Variants in AHCTF1 observed in about 807,000 individuals in gnomAD.
The protein encoded by AHCTF1 is AT-hook containing transcription factor 1.
Under a neutral mutation model 248.4 loss-of-function variants are expected in AHCTF1, and 24 were observed. The ratio of observed to expected loss-of-function variants is 0.10; its 90% confidence interval spans 0.07 to 0.14. The LOEUF (loss-of-function observed/expected upper bound fraction) is 0.14, where lower values mean the gene tolerates loss of function less well. Ranked by LOEUF, AHCTF1 falls within the 10% of genes least tolerant of loss-of-function variation. AHCTF1 has a pLI of 1.00. For synonymous variants in AHCTF1, 786 were observed against 929.8 expected, an observed-to-expected ratio of 0.85 and a Z score of 2.81; for missense variants, 2,206 against 2,636.2, an observed-to-expected ratio of 0.84 and a Z score of 3.57.
intron 14 of AHCTF1, among the ~76,000 whole-genome samples, chr1:246,892,256 CTTCA>C (rs1396812003): frequency 7.2e-6 from 1 of 139,114 alleles, no homozygotes; most frequent in African/African-American, 2.7e-5. Context: ...AAACAACTGT[CTTCA>C]TTCTAAAATC....
In AHCTF1 at chr1:246,888,416, T is replaced by A; in HGVS notation, c.2246A>T (p.Lys749Ile). Residue 749 changes from lysine (K) to isoleucine (I), a missense_variant, in exon 18 of 36, where the codon AAA (lysine) becomes ATA (isoleucine). Lys to Ile is a moderately radical substitution (Grantham distance 102, BLOSUM62 -3). Around this residue, in one of 6 missense-constraint regions of AHCTF1, gnomAD observed 650 missense variants for 870.8 expected, o/e 0.75. Coordinates refer to ENST00000648844, the MANE Select transcript of AHCTF1 (RefSeq NM_001323342.2). ...TACATGCAGACTAGCAGGAGGATAT[T>A]TTCCTGTGCCTCCTTCATCTCGTTT... ...LWKRDEGGTG[K>I]YPPASLHAVL... 1 of 1,612,812 alleles carries A rather than the reference T, an allele frequency of 6.2e-7. No individual in the cohort carries two copies. The highest frequency in any genetic ancestry group is 8.5e-7 in the Non-Finnish European group (1 of 1,179,994).
intron 1 of AHCTF1, among the ~76,000 whole-genome samples, chr1:246,929,993 A>C (rs942051721): frequency 6.6e-6 from 1 of 152,032 alleles, no homozygotes; most frequent in Non-Finnish European, 1.5e-5. Context: ...CGGAGGTTGC[A>C]GTGAGCCAAG....
chr1:246,863,348 C>G (rs1661714372), intron 27 of AHCTF1, among the ~76,000 whole-genome samples: 1 of 148,322 alleles, frequency 6.7e-6, no homozygotes, highest in South Asian at 2.1e-4. Context: ...GAACATTAGT[C>G]AAGGGGCTAG....
chr1:246,910,213 A>G (rs188329084), intron 4 of AHCTF1, among the ~76,000 whole-genome samples: 2 of 152,364 alleles, frequency 1.3e-5, no homozygotes, highest in East Asian at 3.9e-4. Context: ...ATTCTATCAG[A>G]TAACTTCAGC....
chr1:246,907,633 A>G lies in AHCTF1; in HGVS notation c.682T>C (p.Tyr228His). The change falls in exon 5 of 36, where the codon TAC becomes CAC. Residue 228 changes from tyrosine (Y) to histidine (H), a missense_variant. Coordinates refer to ENST00000648844, the MANE Select transcript of AHCTF1 (RefSeq NM_001323342.2). ...PTGTAVSTLS[Y>H]ISRTNQLAVG... ...GCAAGCTGATTTGTCCTGCTTATGT[A>G]ACTAAGAGTTGAAACAGCTGTTCCT... The G allele has an allele frequency of 6.2e-7, 1 of 1,613,902 alleles. No individual in the cohort carries two copies. The highest frequency in any genetic ancestry group is 8.5e-7 in the Non-Finnish European group (1 of 1,179,836).
chr1:246,897,621 C>T (rs970100984), intron 12 of AHCTF1, among the ~76,000 whole-genome samples: 1 of 152,146 alleles, frequency 6.6e-6, no homozygotes. Flanking sequence ...GTGCTGAATA[C>T]TGTAAGCAAC....
At chr1:246,926,026 C>T (rs1306407199) in intron 1 of AHCTF1, among the ~76,000 whole-genome samples, 2 of 141,158 alleles carry the variant, frequency 1.4e-5, no homozygotes, top group African/African-American at 5.3e-5. Context: ...CTAGCCTAGG[C>T]GACAGTGAGA....
intron 33 of AHCTF1, among the ~76,000 whole-genome samples, chr1:246,845,357 A>AT (rs1331670872): frequency 6.9e-6 from 1 of 144,136 alleles, no homozygotes; most frequent in Non-Finnish European, 1.5e-5. Flanking sequence ...ATATAAGCAT[A>AT]TGATTCTTAA....
intron 22 of AHCTF1, 21 bp from the exon 23 acceptor site, chr1:246,877,102 T>A (rs1288695966): frequency 6.2e-7 from 1 of 1,612,260 alleles, no homozygotes; most frequent in Non-Finnish European, 8.5e-7. Flanking sequence ...CAAAATAGAT[T>A]GTAAACTACC....
At chr1:246,897,313 C>CA (rs999821810) in intron 12 of AHCTF1, among the ~76,000 whole-genome samples, 3 of 151,154 alleles carry the variant, frequency 2.0e-5, no homozygotes, top group Admixed American at 6.6e-5. Flanking sequence ...GATGCTGTCT[C>CA]AAAAAAAATA....
intron 1 of AHCTF1, 59 bp from the exon 2 acceptor site, chr1:246,918,436 T>C (rs1666298898): frequency 7.5e-6 from 11 of 1,460,706 alleles, no homozygotes; most frequent in Non-Finnish European, 9.2e-6. Context: ...ATATACTTGA[T>C]TATGTCCAGC....
At position 246,860,803 on chromosome 1, in the gene AHCTF1, G is replaced by C; in HGVS notation, c.4132+96C>G. 3 of 1,485,332 alleles carry C rather than the reference G, an allele frequency of 2.0e-6. No homozygotes were observed. In the South Asian group the frequency reaches 4.0e-5, roughly 20 times the overall value. The allele number at this position is 1,485,332 out of a possible 1,614,324, so 92.0% of individuals were successfully genotyped here. ...TTAACTAGCATGAGCCACAGTACCT[G>C]GCTAGGATGCTTTTCTTATGGTGGA... On this transcript the variant is annotated intron_variant, in intron 29 of 35. Coordinates refer to ENST00000648844, the MANE Select transcript of AHCTF1 (RefSeq NM_001323342.2).
chr1:246,878,396 C>CCAAAA (rs1491155933), intron 21 of AHCTF1, among the ~76,000 whole-genome samples: 4 of 30,776 alleles, frequency 1.3e-4, no homozygotes, highest in African/African-American at 4.9e-4. Context: ...GATTCTGTCT[C>CCAAAA]AAAAAAAAAA....
intron 1 of AHCTF1, chr1:246,931,260 C>T (rs1287637918): frequency 6.5e-7 from 1 of 1,549,134 alleles, no homozygotes; most frequent in Non-Finnish European, 8.7e-7. Flanking sequence ...GGTCGCGGCC[C>T]CGGCCGTCCG....
chr1:246,863,564 C>CAAAG (rs1661732453), intron 27 of AHCTF1, among the ~76,000 whole-genome samples: 1 of 151,816 alleles, frequency 6.6e-6, no homozygotes, highest in South Asian at 2.1e-4. Flanking sequence ...ACAAATAAAC[C>CAAAG]AAAGAACTAA....
At chr1:246,857,420 G>A (rs1661183730) in intron 30 of AHCTF1, among the ~76,000 whole-genome samples, 1 of 152,210 alleles carries the variant, frequency 6.6e-6, no homozygotes, top group South Asian at 2.1e-4. Context: ...GGTATGCACA[G>A]CTGTGAGCGA....
Position 246,851,240 on chromosome 1 carries a change from T to C in AHCTF1, c.4766A>G (p.Gln1589Arg). Reference protein sequence around the residue: ...AEVDGELFVAQSNFTLILEGE... With the variant: ...AEVDGELFVARSNFTLILEGE... ...TTCCAATATCAAGGTAAAGTTGCTT[T>C]GAGCCACAAAAAGTTCCCCATCTAC... Residue 1589 changes from glutamine (Q) to arginine (R), a missense_variant, in exon 33 of 36, where the codon CAA becomes CGA. This residue lies in a region of AHCTF1 where 955 missense variants were observed against 1,055.6 expected (regional missense o/e 0.90). Transcript: ENST00000648844. The C allele has an allele frequency of 6.2e-7, 1 of 1,613,960 alleles. No individual in the cohort carries two copies. The highest frequency in any genetic ancestry group is 8.5e-7 in the Non-Finnish European group (1 of 1,179,850).
intron 16 of AHCTF1, 133 bp from the exon 17 acceptor site, chr1:246,890,192 A>G: frequency 1.3e-5 from 7 of 542,368 alleles, no homozygotes; most frequent in Non-Finnish European, 3.2e-6. Context: ...TATTTAGGTA[A>G]TAAAAGATTA....
In AHCTF1 at chr1:246,903,661, C is replaced by G. The variant is rs985224793; in HGVS notation, c.966+288G>C. Among the ~76,000 whole-genome samples the G allele has an allele frequency of 5.0e-4, 61 of 120,802 alleles. 1 individual carries two copies. The East Asian group carries it at 8.8e-3, about 17-fold the overall frequency. 79.3% of individuals were successfully genotyped at this position (120,802 alleles called of 152,430 possible). A position where few individuals can be genotyped will look rare whatever the true frequency, so the allele number is the denominator to read the frequency against. ...TGGCCAAGATGGTGAGACCCCCCCC[C>G]CTCCGTCTCTGCTAAATATACAAAA... On this transcript the variant is annotated intron_variant, in intron 7 of 35. Transcript: ENST00000648844.
Sources: allele counts gnomAD v4.1 joint callset (sites outside exome capture counted in the v4.1 genomes callset), GRCh38; gene constraint gnomAD v4.1.1; regional missense constraint gnomAD v4.1.1; transcripts MANE v1.5; gene names NCBI Gene and HGNC (gene_info 2026-07-23, HGNC 2026-07-21).